CARMIL1: variants seen among roughly 807,000 people sequenced by gnomAD.
The protein encoded by CARMIL1 is F-actin-uncapping protein LRRC16A.
Under a neutral mutation model 177.1 loss-of-function variants are expected in CARMIL1, and 90 were observed. That is an observed-to-expected ratio of 0.51 (90% CI 0.43 to 0.61). The LOEUF is 0.61. Among genes scored for constraint, CARMIL1 ranks in the 20% least tolerant of loss-of-function variants. The pLI, the probability that CARMIL1 is intolerant of heterozygous loss-of-function variation, is 0.00. For synonymous variants in CARMIL1, 577 were observed against 606.2 expected (o/e 0.95, Z 0.71); for missense variants, 1,380 against 1,667.0 (o/e 0.83, Z 3.00).
At chr6:25,508,382 T>G (rs1805129481) in intron 17 of CARMIL1, among the ~76,000 whole-genome samples, 1 of 152,156 alleles carries the variant, frequency 6.6e-6, no homozygotes, top group African/African-American at 2.4e-5. Flanking sequence ...AGAGCTCACC[T>G]TAGAGCAATC....
At chr6:25,466,004 C>A in intron 9 of CARMIL1, 56 bp downstream of exon 9, 1 of 1,362,012 alleles carries the variant, frequency 7.3e-7, no homozygotes, top group Non-Finnish European at 1.0e-6. Flanking sequence ...TTCAAAAACC[C>A]AATAATTGTG....
intron 2 of CARMIL1, among the ~76,000 whole-genome samples, chr6:25,294,947 A>G (rs1308817277): frequency 6.6e-6 from 1 of 152,196 alleles, no homozygotes; most frequent in East Asian, 1.9e-4. Context: ...AGCCTGTGGC[A>G]TCACAGCATC....
At chr6:25,347,104 A>G (rs1223387667) in intron 2 of CARMIL1, among the ~76,000 whole-genome samples, 2 of 152,240 alleles carry the variant, frequency 1.3e-5, no homozygotes, top group Non-Finnish European at 2.9e-5. Context: ...TAGACCGTAC[A>G]TTATTGATGT....
chr6:25,440,282 AGAG>A (rs1352397101), intron 5 of CARMIL1, among the ~76,000 whole-genome samples: 2 of 152,236 alleles, frequency 1.3e-5, no homozygotes, highest in Non-Finnish European at 2.9e-5. Context: ...CTGGCTTTGC[AGAG>A]GAGATTTACT....
At chr6:25,560,639 G>A (rs774789857) in intron 29 of CARMIL1, among the ~76,000 whole-genome samples, 56 of 152,256 alleles carry the variant, frequency 3.7e-4, no homozygotes, top group Middle Eastern at 3.4e-3. Context: ...GTAACCCAAG[G>A]TTAACCAAAG....
At chr6:25,547,779 C>A (rs906235497) in intron 26 of CARMIL1, among the ~76,000 whole-genome samples, 3 of 152,096 alleles carry the variant, frequency 2.0e-5, no homozygotes, top group Admixed American at 2.0e-4. Context: ...AAAGGCGTGT[C>A]TTGGCCCAAA....
intron 2 of CARMIL1, among the ~76,000 whole-genome samples, chr6:25,394,842 A>ATCCG (rs1192502829): frequency 6.6e-6 from 1 of 152,214 alleles, no homozygotes; most frequent in Non-Finnish European, 1.5e-5. Flanking sequence ...AGTACTACCT[A>ATCCG]TTTGGAAATG....
chr6:25,451,986 G>GGGGGGGGGGGGGGGCCCCCC, intron 8 of CARMIL1: 1 of 112,672 alleles, frequency 8.9e-6, no homozygotes, highest in Non-Finnish European at 1.7e-5. Context: ...CTAGCATCTT[G>GGGGGGGGGGGGGGGCCCCCC]CCCCCCCCTC....
intron 2 of CARMIL1, among the ~76,000 whole-genome samples, chr6:25,384,304 T>TGGTTTTGCC (rs1351769407): frequency 6.6e-6 from 1 of 152,266 alleles, no homozygotes; most frequent in African/African-American, 2.4e-5. Context: ...CACGTTTTGT[T>TGGTTTTGCC]GGTTTTGCCA....
intron 23 of CARMIL1, among the ~76,000 whole-genome samples, chr6:25,520,949 A>G (rs1806491933): frequency 6.6e-6 from 1 of 151,846 alleles, no homozygotes; most frequent in Non-Finnish European, 1.5e-5. Context: ...CTTTCTCTGC[A>G]TTTTAGATGT....
intron 28 of CARMIL1, among the ~76,000 whole-genome samples, chr6:25,556,299 A>G (rs141070970): frequency 1.3e-5 from 2 of 152,358 alleles, no homozygotes; most frequent in East Asian, 1.9e-4. Flanking sequence ...TATGAAAACA[A>G]TGAAAGCGAG....
intron 11 of CARMIL1, among the ~76,000 whole-genome samples, chr6:25,481,600 A>G (rs1054348615): frequency 1.3e-5 from 2 of 152,224 alleles, no homozygotes; most frequent in Non-Finnish European, 2.9e-5. Flanking sequence ...TTCCTCCCAG[A>G]AAACAGTCTA....
chr6:25,467,837 A>C (rs1800754896), intron 9 of CARMIL1, among the ~76,000 whole-genome samples: 1 of 152,178 alleles, frequency 6.6e-6, no homozygotes, highest in Non-Finnish European at 1.5e-5. Flanking sequence ...ATCTTTGTGG[A>C]TATTACTCTA....
chr6:25,346,655 A>C (rs1303811076), intron 2 of CARMIL1, among the ~76,000 whole-genome samples: 3 of 152,154 alleles, frequency 2.0e-5, no homozygotes, highest in Admixed American at 1.3e-4. Context: ...CTCATTGCTT[A>C]TTCCTGGGGA....
intron 2 of CARMIL1, among the ~76,000 whole-genome samples, chr6:25,348,707 G>A (rs1228350669): frequency 6.6e-6 from 1 of 151,964 alleles, no homozygotes; most frequent in East Asian, 2.0e-4. Flanking sequence ...ACTTGAACTC[G>A]GGAGGCAGAG....
intron 5 of CARMIL1, among the ~76,000 whole-genome samples, chr6:25,436,337 G>A (rs115786656): frequency 1.8e-3 from 267 of 152,288 alleles, no homozygotes; most frequent in African/African-American, 6.3e-3. Flanking sequence ...ACAGATGGCA[G>A]AAAATTTCCC....
intron 32 of CARMIL1, among the ~76,000 whole-genome samples, chr6:25,598,326 C>G (rs1815052337): frequency 6.6e-6 from 1 of 152,022 alleles, no homozygotes; most frequent in Admixed American, 6.5e-5. Context: ...GCAACTTTGA[C>G]CTTCCAGGCT....
intron 31 of CARMIL1, among the ~76,000 whole-genome samples, chr6:25,588,278 C>G (rs1018470194): frequency 6.6e-6 from 1 of 152,140 alleles, no homozygotes; most frequent in African/African-American, 2.4e-5. Context: ...TGAGATAAAC[C>G]TTTACTATGT....
At chr6:25,516,323 G>T (rs1182702849) in intron 21 of CARMIL1, among the ~76,000 whole-genome samples, 1 of 152,176 alleles carries the variant, frequency 6.6e-6, no homozygotes, top group East Asian at 1.9e-4. Context: ...CTGGGTGCTA[G>T]CTGTTCTCTT....
Sources: allele counts gnomAD v4.1 joint callset (sites outside exome capture counted in the v4.1 genomes callset), GRCh38; gene constraint gnomAD v4.1.1; transcripts MANE v1.5; gene names NCBI Gene and HGNC (gene_info 2026-07-23, HGNC 2026-07-21).